The following CDC34 variants were observed in gnomAD, a reference collection of about 807,000 sequenced individuals.
The protein encoded by CDC34 is cell division cycle 34, ubiquitin conjugating enzyme.
Under a neutral mutation model 26.8 loss-of-function variants are expected in CDC34, and 18 were observed. That is an observed-to-expected ratio of 0.67 (90% CI 0.47 to 1.00). The LOEUF is 1.00. Among genes scored for constraint, CDC34 ranks in the 50% least tolerant of loss-of-function variants. CDC34 has a pLI of 0.00. For missense variants in CDC34, 280 were observed against 334.5 expected (o/e 0.84, Z 1.27); for synonymous variants, 178 against 147.5 (o/e 1.21, Z -1.50).
chr19:539,275 G>A (rs1199162539), intron 4 of CDC34, among the ~76,000 whole-genome samples: 2 of 152,054 alleles, frequency 1.3e-5, no homozygotes, highest in African/African-American at 4.8e-5. Context: ...GTGCAGGTCA[G>A]TTCCCACCCT....
chr19:533,258 G>T (rs905690441), intron 1 of CDC34, among the ~76,000 whole-genome samples: 2 of 152,180 alleles, frequency 1.3e-5, no homozygotes, highest in African/African-American at 4.8e-5. Flanking sequence ...CCTGCCAAGA[G>T]CCTGGACACG....
chr19:541,267 TG>T lies in CDC34; in HGVS notation c.498-67del. 4 of 1,456,978 alleles carry T rather than the reference TG, an allele frequency of 2.7e-6. No individual in the cohort carries two copies. In the South Asian group the frequency reaches 5.5e-5, roughly 20 times the overall value. 90.3% of individuals were successfully genotyped at this position (1,456,978 alleles called of 1,614,324 possible). ...TGAGCGTTGGGGTGAGCGTCGGACC[TG>T]GGGGAGGGGGGCCGGGCAGGGGCCG... is the stretch of plus-strand genomic sequence containing the variant. On this transcript the variant is annotated intron_variant, in intron 4 of 4. Coordinates refer to ENST00000215574, the MANE Select transcript of CDC34 (RefSeq NM_004359.2).
Position 542,078 on chromosome 19 carries a change from CTTTAT to C in CDC34, c.*527_*531del, listed in dbSNP as rs1186800896. The C allele has an allele frequency of 6.6e-6, 1 of 152,612 alleles. No individual in the cohort carries two copies. The highest frequency in any genetic ancestry group is 2.4e-5 in the African/African-American group (1 of 41,482). The allele number at this position is 152,612 out of a possible 1,614,324, so 9.5% of individuals were successfully genotyped here. ...TTTGTTTGAAATCTAAATAAAACTA[CTTTAT>C]GAGAGGCCAGAGAAGCTGTGCTTGG... On this transcript the variant is annotated 3_prime_UTR_variant, in exon 5 of 5. Coordinates refer to ENST00000215574, the MANE Select transcript of CDC34 (RefSeq NM_004359.2).
At position 535,855 on chromosome 19, in the gene CDC34, A is replaced by T; in HGVS notation, c.196A>T (p.Ile66Phe). The change falls in exon 2 of 5, where the codon ATC becomes TTC. Residue 66 changes from isoleucine (I) to phenylalanine (F), a missense_variant. Physicochemically the swap from Ile to Phe is conservative, Grantham distance 21 (BLOSUM62 0). Transcript: ENST00000215574. ...GYFKARLKFP[I>F]DYPYSPPAFR... Reference sequence around the variant, plus strand: ...CCTGCAGGCGCGCCTCAAGTTCCCCATCGACTACCCATACTCTCCACCAGC... The same window carrying T: ...CCTGCAGGCGCGCCTCAAGTTCCCCTTCGACTACCCATACTCTCCACCAGC... 6.2e-7 allele frequency: 1 copy of T among 1,613,828 alleles called. No individual in the cohort carries two copies. The highest frequency in any genetic ancestry group is 8.5e-7 in the Non-Finnish European group (1 of 1,179,942).
intron 1 of CDC34, 69 bp from the exon 2 acceptor site, chr19:535,768 G>A (rs1221971563): frequency 8.1e-7 from 1 of 1,227,006 alleles, no homozygotes; most frequent in Non-Finnish European, 1.2e-6. Context: ...GATGGCCTTG[G>A]GCACCTTGTG....
intron 1 of CDC34, among the ~76,000 whole-genome samples, chr19:533,971 G>T (rs1979611046): frequency 6.6e-6 from 1 of 152,210 alleles, no homozygotes; most frequent in South Asian, 2.1e-4. Flanking sequence ...CTGGGGCAGG[G>T]GCCGCCAGAG....
In CDC34 at chr19:538,100, GTCGTGCTGTGTGTGCCC is replaced by G. The variant is rs1274752319; in HGVS notation, c.497+954_497+970del. Among the ~76,000 whole-genome samples the G allele has an allele frequency of 1.8e-4, 28 of 152,282 alleles. No homozygotes were observed. In the East Asian group the frequency reaches 2.1e-3, roughly 12 times the overall value. On this transcript the variant is annotated intron_variant, in intron 4 of 4. Transcript: ENST00000215574. ...GTCTGTGCCTTAATGAAGAAATGGGGTCGTGCTGTGTGTGCCCAGTGACTGACTGTTAGGGAACATGT... is the reference window on the plus strand; with the variant it reads ...GTCTGTGCCTTAATGAAGAAATGGGGAGTGACTGACTGTTAGGGAACATGT...
At chr19:536,947 G>A (rs779922700) in intron 3 of CDC34, 66 bp from the exon 4 acceptor site, 4 of 1,602,598 alleles carry the variant, frequency 2.5e-6, no homozygotes, top group Non-Finnish European at 3.4e-6. Context: ...TGACCCTCAG[G>A]GCCAGAGAAG....
Position 541,713 on chromosome 19 carries a change from T to A in CDC34, c.*161T>A. ...CCCATGTCTGTTCTGGGTTTTCACG[T>A]GCTTCAGAGAAGAGGGGCTGCCCCA... On this transcript the variant is annotated 3_prime_UTR_variant, in exon 5 of 5. Coordinates refer to ENST00000215574, the MANE Select transcript of CDC34 (RefSeq NM_004359.2). 1 of 768,530 alleles carries A rather than the reference T, an allele frequency of 1.3e-6. No individual in the cohort carries two copies. Among genetic ancestry groups the A allele is most frequent in the Non-Finnish European group, 1.9e-6 (1 of 519,364 alleles). 47.6% of individuals were successfully genotyped at this position (768,530 alleles called of 1,614,324 possible). A position where few individuals can be genotyped will look rare whatever the true frequency, so the allele number is the denominator to read the frequency against.
chr19:541,633 G>T lies in CDC34; in HGVS notation c.*81G>T, dbSNP rs949379300. On this transcript the variant is annotated 3_prime_UTR_variant, in exon 5 of 5. Coordinates refer to ENST00000215574, the MANE Select transcript of CDC34 (RefSeq NM_004359.2). The stretch of plus-strand genomic sequence containing the variant: ...TTAGACGACAGACTACCTCACGGAG[G>T]TTTTGTGCTGGTCCCCGTCTCCTCT... 5 of 1,426,220 alleles carry T rather than the reference G, an allele frequency of 3.5e-6. No individual in the cohort carries two copies. The highest frequency in any genetic ancestry group is 4.7e-6 in the Non-Finnish European group (5 of 1,071,118). 88.3% of individuals were successfully genotyped at this position (1,426,220 alleles called of 1,614,324 possible).
intron 4 of CDC34, 38 bp from the exon 5 acceptor site, chr19:541,301 G>A (rs756306140): frequency 6.0e-6 from 9 of 1,496,052 alleles, no homozygotes; most frequent in Non-Finnish European, 8.0e-6. Flanking sequence ...CCGAGTCCAG[G>A]CACGTGGGTG....
At chr19:539,234 A>ATGCTGGCGGTG (rs1222112899) in intron 4 of CDC34, among the ~76,000 whole-genome samples, 1 of 152,078 alleles carries the variant, frequency 6.6e-6, no homozygotes, top group Non-Finnish European at 1.5e-5. Context: ...CCTCCAGCTC[A>ATGCTGGCGGTG]TGCTGGCGGT....
intron 3 of CDC34, chr19:536,801 C>A (rs1029892985): frequency 1.7e-6 from 1 of 602,988 alleles, no homozygotes; most frequent in Non-Finnish European, 2.9e-6. Context: ...CTGCACCTTG[C>A]TGCCCTCCCT....
chr19:536,398 C>A, intron 3 of CDC34, 58 bp downstream of exon 3: 1 of 1,298,426 alleles, frequency 7.7e-7, no homozygotes, highest in Non-Finnish European at 1.1e-6. Flanking sequence ...GGGCTCCGTC[C>A]CGTATCCACC....
At chr19:540,716 G>A (rs866839229) in intron 4 of CDC34, among the ~76,000 whole-genome samples, 2 of 85,670 alleles carry the variant, frequency 2.3e-5, no homozygotes, top group Non-Finnish European at 2.6e-5. Context: ...GGAGGCCGGG[G>A]TGGCCAGGCC....
At chr19:535,775 T>C in intron 1 of CDC34, 62 bp from the exon 2 acceptor site, 1 of 1,322,860 alleles carries the variant, frequency 7.6e-7, no homozygotes, top group Non-Finnish European at 1.1e-6. Flanking sequence ...TTGGGCACCT[T>C]GTGAGCTGGG....
intron 4 of CDC34, among the ~76,000 whole-genome samples, chr19:540,806 G>C (rs1174886970): frequency 5.7e-5 from 4 of 70,438 alleles, no homozygotes; most frequent in African/African-American, 1.9e-4. Flanking sequence ...AGGCCCCCCG[G>C]TTTAGAATCC....
chr19:536,951 A>G (rs1426053978), intron 3 of CDC34, 62 bp from the exon 4 acceptor site: 14 of 1,605,890 alleles, frequency 8.7e-6, no homozygotes, highest in Non-Finnish European at 1.2e-5. Flanking sequence ...CCTCAGGGCC[A>G]GAGAAGAGCC....
rs1452601938 is a variant in CDC34, at chr19:531,874, A to C, written c.-58A>C. 1 of 1,169,182 alleles carries C rather than the reference A, an allele frequency of 8.6e-7. No homozygotes were observed. Among genetic ancestry groups the C allele is most frequent in the Non-Finnish European group, 1.1e-6 (1 of 930,374 alleles). 72.4% of individuals were successfully genotyped at this position (1,169,182 alleles called of 1,614,324 possible). A position where few individuals can be genotyped will look rare whatever the true frequency, so the allele number is the denominator to read the frequency against. On this transcript the variant is annotated 5_prime_UTR_variant, in exon 1 of 5. Coordinates refer to ENST00000215574, the MANE Select transcript of CDC34 (RefSeq NM_004359.2). ...GTGCGCGGCCCGGCCCGTCTCGCGA[A>C]CTCGCGGTGGTCGCGCGGCCCCGCG...
Sources: gnomAD v4.1 joint callset for allele counts (sites outside exome capture counted in the v4.1 genomes callset) on GRCh38, gnomAD v4.1.1 for gene constraint, MANE v1.5 for transcripts, NCBI Gene and HGNC (gene_info 2026-07-23, HGNC 2026-07-21) for gene names.